CERS3: variants seen among roughly 807,000 people sequenced by gnomAD.
CERS3 encodes LAG1 homolog, ceramide synthase 3.
In CERS3, 33 loss-of-function variants were observed where a neutral mutation model predicts 50.3. The observed-to-expected ratio is 0.66, with a 90% CI of 0.50 to 0.88. CERS3 has a LOEUF of 0.88. CERS3 is among the 40% of genes least tolerant of loss of function. CERS3 has a pLI of 0.00. For synonymous variants in CERS3, 176 were observed against 155.2 expected, an observed-to-expected ratio of 1.13 and a Z score of -0.99; for missense variants, 470 against 460.3, an observed-to-expected ratio of 1.02 and a Z score of -0.19.
At chr15:100,448,487 A>G (rs2034027013) in intron 11 of CERS3, among the ~76,000 whole-genome samples, 1 of 152,212 alleles carries the variant, frequency 6.6e-6, no homozygotes, top group Non-Finnish European at 1.5e-5. Context: ...CAACTCTCAC[A>G]GGCCATAAGA....
At chr15:100,450,417 A>C (rs1335504764) in intron 11 of CERS3, among the ~76,000 whole-genome samples, 2 of 7,622 alleles carry the variant, frequency 2.6e-4, no homozygotes, top group Non-Finnish European at 8.0e-4. Context: ...ACTCTGTCTC[A>C]AAAAAAAAAA....
chr15:100,471,413 G>A (rs1049975261), intron 9 of CERS3, among the ~76,000 whole-genome samples: 2 of 152,154 alleles, frequency 1.3e-5, no homozygotes, highest in African/African-American at 2.4e-5. Context: ...GAAAGGGTGG[G>A]GAGGGTGGCA....
chr15:100,494,468 C>T (rs1337866800), intron 3 of CERS3, among the ~76,000 whole-genome samples: 2 of 151,628 alleles, frequency 1.3e-5, no homozygotes, highest in Non-Finnish European at 2.9e-5. Flanking sequence ...AGGATGGTCT[C>T]GATCTCCTGA....
chr15:100,484,700 TA>T (rs1567653729), intron 4 of CERS3, 32 bp from the exon 5 acceptor site: 1 of 1,472,186 alleles, frequency 6.8e-7, no homozygotes, highest in East Asian at 2.3e-5. Flanking sequence ...AAATGAGTGA[TA>T]AAGAACAGAG....
chr15:100,496,860 T>C (rs561432801), intron 3 of CERS3, among the ~76,000 whole-genome samples: 2 of 152,318 alleles, frequency 1.3e-5, no homozygotes, highest in Admixed American at 1.3e-4. Flanking sequence ...TTTATATCGA[T>C]GGAAGTTGAA....
At chr15:100,533,943 A>AT (rs1336872588), upstream of CERS3, among the ~76,000 whole-genome samples, 2 of 152,032 alleles carry the variant, frequency 1.3e-5, no homozygotes, top group African/African-American at 4.8e-5. Flanking sequence ...AAATAGGGAG[A>AT]TTTTTCCCTT....
At chr15:100,504,429 G>A (rs1807804952) in intron 2 of CERS3, among the ~76,000 whole-genome samples, 1 of 151,932 alleles carries the variant, frequency 6.6e-6, no homozygotes. Context: ...TTTTAGTAGA[G>A]ACAGGGTTTC....
At chr15:100,496,411 G>T (rs549423747) in intron 3 of CERS3, among the ~76,000 whole-genome samples, 47 of 152,234 alleles carry the variant, frequency 3.1e-4, no homozygotes, top group Non-Finnish European at 2.9e-5. Flanking sequence ...TAAGCTTAAT[G>T]AAAGAAGTCG....
intron 11 of CERS3, among the ~76,000 whole-genome samples, chr15:100,413,834 C>A (rs973263157): frequency 6.7e-6 from 1 of 148,396 alleles, no homozygotes; most frequent in Non-Finnish European, 1.5e-5. Context: ...ACTAGAAAAC[C>A]TAGAAGAAAT....
intron 11 of CERS3, among the ~76,000 whole-genome samples, chr15:100,420,744 G>A (rs982068858): frequency 5.9e-5 from 9 of 151,630 alleles, no homozygotes; most frequent in African/African-American, 1.2e-4. Context: ...ATGATCAAGT[G>A]GGCTTCATCT....
chr15:100,446,979 A>G (rs1567623149), intron 11 of CERS3, among the ~76,000 whole-genome samples: 1 of 152,272 alleles, frequency 6.6e-6, no homozygotes, highest in Non-Finnish European at 1.5e-5. Flanking sequence ...ATCACATAAT[A>G]GATAGCAGCC....
chr15:100,413,878 A>AAAG (rs397700580), intron 11 of CERS3, among the ~76,000 whole-genome samples: 1 of 151,770 alleles, frequency 6.6e-6, no homozygotes, highest in East Asian at 1.9e-4. Flanking sequence ...ACCTCCCAAA[A>AAAG]TTGAATCAGG....
chr15:100,423,943 CTTTT>C (rs113638589), intron 11 of CERS3, among the ~76,000 whole-genome samples: 2 of 139,694 alleles, frequency 1.4e-5, no homozygotes, highest in African/African-American at 5.3e-5. Context: ...TTCTTTCTTT[CTTTT>C]TTTTTTTTTT....
chr15:100,495,512 T>C (rs2035784367), intron 3 of CERS3, among the ~76,000 whole-genome samples: 1 of 152,230 alleles, frequency 6.6e-6, no homozygotes, highest in Admixed American at 6.5e-5. Context: ...GTGGTTTTAA[T>C]TTATATTTTC....
At chr15:100,490,992 G>T in intron 3 of CERS3, 61 bp from the exon 4 acceptor site, 1 of 978,398 alleles carries the variant, frequency 1.0e-6, no homozygotes. Context: ...GATGACACCA[G>T]AAAATTAAAG....
chr15:100,412,445 G>C (rs2031565417), intron 11 of CERS3, among the ~76,000 whole-genome samples: 1 of 152,108 alleles, frequency 6.6e-6, no homozygotes, highest in Non-Finnish European at 1.5e-5. Flanking sequence ...ACACTGTCTT[G>C]ATTACTGAAG....
chr15:100,436,176 T>A (rs540313524), intron 11 of CERS3, among the ~76,000 whole-genome samples: 132 of 152,324 alleles, frequency 8.7e-4, no homozygotes, highest in Non-Finnish European at 1.6e-3. Flanking sequence ...TGCATACATA[T>A]GTTTATTGTA....
At chr15:100,445,413 G>C (rs1051032742) in intron 11 of CERS3, among the ~76,000 whole-genome samples, 2 of 152,142 alleles carry the variant, frequency 1.3e-5, no homozygotes, top group African/African-American at 4.8e-5. Flanking sequence ...AATAATTTTT[G>C]CGGGCAAGGC....
chr15:100,496,825 T>A (rs1382713127), intron 3 of CERS3, among the ~76,000 whole-genome samples: 5 of 152,214 alleles, frequency 3.3e-5, no homozygotes, highest in Admixed American at 2.0e-4. Context: ...TAGTTATGAA[T>A]GATCATTTAG....
Sources: allele counts gnomAD v4.1 joint callset (sites outside exome capture counted in the v4.1 genomes callset), GRCh38; gene constraint gnomAD v4.1.1; transcripts MANE v1.5; gene names NCBI Gene and HGNC (gene_info 2026-07-23, HGNC 2026-07-21).